The following SVIL variants were observed in gnomAD, a reference collection of about 807,000 sequenced individuals.
SVIL encodes supervillin, also known as archvillin.
A neutral mutation model predicts 240.4 loss-of-function variants in SVIL; 101 were observed. That is an observed-to-expected ratio of 0.42 (90% CI 0.36 to 0.50). The LOEUF (loss-of-function observed/expected upper bound fraction) is 0.50. Ranked by LOEUF, SVIL falls within the 20% of genes least tolerant of loss-of-function variation. The pLI is 0.01. For synonymous variants in SVIL, 999 were observed against 1,100.0 expected (o/e 0.91, Z 1.82); for missense variants, 2,512 against 2,818.7 (o/e 0.89, Z 2.46).
intron 1 of SVIL, among the ~76,000 whole-genome samples, chr10:29,606,067 C>T (rs143559180): frequency 6.9e-4 from 105 of 152,172 alleles, no homozygotes; most frequent in Non-Finnish European, 1.3e-3. Flanking sequence ...TCTGCCACCA[C>T]GCGCAGTTAA....
At chr10:29,542,776 C>T (rs1018208865) in intron 6 of SVIL, among the ~76,000 whole-genome samples, 9 of 152,188 alleles carry the variant, frequency 5.9e-5, no homozygotes, top group African/African-American at 1.9e-4. Flanking sequence ...TTTCTAACTA[C>T]TTTTTGTACC....
intron 1 of SVIL, among the ~76,000 whole-genome samples, chr10:29,618,956 T>C (rs1589398767): frequency 6.6e-6 from 1 of 151,810 alleles, no homozygotes; most frequent in South Asian, 2.1e-4. Flanking sequence ...CTTAAACAGG[T>C]AGGAAGGGGA....
intron 15 of SVIL, 116 bp downstream of exon 15, chr10:29,523,335 T>C (rs956110431): frequency 1.4e-4 from 132 of 918,864 alleles, no homozygotes; most frequent in Middle Eastern, 5.5e-4. Context: ...TTTTAACCAA[T>C]ACTAGCTGTA....
chr10:29,477,786 ATGT>A (rs1218953620), intron 29 of SVIL, among the ~76,000 whole-genome samples: 1 of 152,166 alleles, frequency 6.6e-6, no homozygotes, highest in East Asian at 1.9e-4. Flanking sequence ...GCTGGAAAAG[ATGT>A]TGTTGGAGCT....
At chr10:29,478,924 CAA>C (rs71020791) in intron 29 of SVIL, among the ~76,000 whole-genome samples, 973 of 63,000 alleles carry the variant, frequency 0.015, 9 homozygotes, top group African/African-American at 0.035. Context: ...AACCCTGTCT[CAA>C]AAAAAAAAAA....
At chr10:29,479,621 G>A (rs1026389575) in intron 29 of SVIL, among the ~76,000 whole-genome samples, 4 of 152,230 alleles carry the variant, frequency 2.6e-5, no homozygotes, top group African/African-American at 9.6e-5. Flanking sequence ...GTCTTCCGTA[G>A]AGTAGGTGCT....
At chr10:29,535,005 C>G (rs1589149483) in intron 7 of SVIL, among the ~76,000 whole-genome samples, 1 of 152,284 alleles carries the variant, frequency 6.6e-6, no homozygotes, top group East Asian at 1.9e-4. Context: ...GGAATTTAGA[C>G]TGTTTACTTA....
In SVIL at chr10:29,486,508, C is replaced by T; in HGVS notation, c.4535G>A (p.Arg1512Lys). The change falls in exon 25 of 38, where the codon AGA becomes AAA. Residue 1512 changes from arginine (R) to lysine (K), a missense_variant. By Grantham distance (26) the Arg-to-Lys change is conservative (BLOSUM62 2). This residue lies in a region of SVIL where 797 missense variants were observed against 925.3 expected (regional missense o/e 0.86). Coordinates refer to ENST00000355867, the MANE Select transcript of SVIL (RefSeq NM_021738.3). ...TTCAATGGTTTGGATATAAGTAGCT[C>T]TACAACCAAGTTCCCTCTTTGTCTG... ...LIQTKRELGC[R>K]ATYIQTIEEG... 1 of 1,614,166 alleles carries T rather than the reference C, an allele frequency of 6.2e-7. No individual in the cohort carries two copies. Among genetic ancestry groups the T allele is most frequent in the Non-Finnish European group, 8.5e-7 (1 of 1,180,042 alleles).
intron 6 of SVIL, among the ~76,000 whole-genome samples, chr10:29,541,340 G>T (rs1456959601): frequency 6.6e-6 from 1 of 152,172 alleles, no homozygotes; most frequent in Non-Finnish European, 1.5e-5. Flanking sequence ...AGAGGCACAA[G>T]GGATGATGGA....
At chr10:29,507,978 A>G in intron 17 of SVIL, 1 of 193,622 alleles carries the variant, frequency 5.2e-6, no homozygotes, top group Non-Finnish European at 1.0e-5. Context: ...CCTCCCTTGA[A>G]TGCTAATGCT....
intron 1 of SVIL, among the ~76,000 whole-genome samples, chr10:29,721,680 A>T (rs527939162): frequency 6.6e-6 from 1 of 152,236 alleles, no homozygotes; most frequent in Non-Finnish European, 1.5e-5. Flanking sequence ...GGGTTTATTC[A>T]CCTTAATAAT....
chr10:29,495,330 G>A (rs552062079), intron 18 of SVIL, 149 bp from the exon 19 acceptor site: 24 of 575,446 alleles, frequency 4.2e-5, no homozygotes, highest in Admixed American at 3.8e-4. Context: ...CATTTCACAC[G>A]TACCACGACT....
chr10:29,647,647 G>A (rs1212571595), intron 3 of SVIL, among the ~76,000 whole-genome samples: 1 of 152,106 alleles, frequency 6.6e-6, no homozygotes, highest in Non-Finnish European at 1.5e-5. Flanking sequence ...TTGTGTGTGT[G>A]TGTGTGTAGA....
At chr10:29,477,591 G>A (rs1946334913) in intron 29 of SVIL, among the ~76,000 whole-genome samples, 1 of 152,208 alleles carries the variant, frequency 6.6e-6, no homozygotes, top group South Asian at 2.1e-4. Flanking sequence ...TGGCCCTTGT[G>A]CGCACAAGTG....
At chr10:29,477,076 G>A (rs1382473076) in intron 29 of SVIL, among the ~76,000 whole-genome samples, 2 of 152,022 alleles carry the variant, frequency 1.3e-5, no homozygotes, top group Non-Finnish European at 2.9e-5. Flanking sequence ...TGTTGGCCAG[G>A]ATAGTCTCGA....
chr10:29,488,276 G>A (rs1335189311), intron 23 of SVIL, among the ~76,000 whole-genome samples: 2 of 152,130 alleles, frequency 1.3e-5, no homozygotes, highest in African/African-American at 2.4e-5. Context: ...TGACCGCTTC[G>A]TGGGGCACGG....
At chr10:29,697,058 G>T (rs1310315812) in intron 1 of SVIL, among the ~76,000 whole-genome samples, 1 of 129,544 alleles carries the variant, frequency 7.7e-6, no homozygotes, top group African/African-American at 2.9e-5. Flanking sequence ...CGTCCGGGAG[G>T]TGAGGGGCGC....
At chr10:29,574,056 C>T (rs886811395) in intron 1 of SVIL, among the ~76,000 whole-genome samples, 4 of 152,160 alleles carry the variant, frequency 2.6e-5, no homozygotes, top group African/African-American at 9.7e-5. Flanking sequence ...GTGGTGTATT[C>T]CCTTTTCAAT....
chr10:29,616,595 A>G (rs1239618168), intron 1 of SVIL, among the ~76,000 whole-genome samples: 3 of 152,242 alleles, frequency 2.0e-5, no homozygotes, highest in African/African-American at 7.2e-5. Flanking sequence ...CCACTCTGGC[A>G]TAAGGATTAT....
Sources: allele counts gnomAD v4.1 joint callset (sites outside exome capture counted in the v4.1 genomes callset), GRCh38; gene constraint gnomAD v4.1.1; regional missense constraint gnomAD v4.1.1; transcripts MANE v1.5; gene names NCBI Gene and HGNC (gene_info 2026-07-23, HGNC 2026-07-21).